The following MALRD1 variants were observed in gnomAD, a reference collection of about 807,000 sequenced individuals.
MALRD1 encodes the protein MAM and LDL-receptor class A domain-containing protein 1.
A neutral mutation model predicts 242.1 loss-of-function variants in MALRD1; 247 were observed. That is an observed-to-expected ratio of 1.02 (90% CI 0.92 to 1.13). The LOEUF is 1.13. Among genes scored for constraint, MALRD1 ranks in the 50% most tolerant of loss-of-function variants. The probability of loss-of-function intolerance (pLI) is 0.00; values close to 1 mark genes in which losing one functional copy is unlikely to be tolerated. For synonymous variants in MALRD1, 995 were observed against 866.6 expected (o/e 1.15, Z -2.60); for missense variants, 2,989 against 2,533.1 (o/e 1.18, Z -3.86).
At chr10:19,333,986 A>G (rs1015423709) in intron 24 of MALRD1, among the ~76,000 whole-genome samples, 36 of 151,718 alleles carry the variant, frequency 2.4e-4, no homozygotes, top group African/African-American at 8.5e-4. Flanking sequence ...CCACTTTTTA[A>G]TGGGGTTGTT....
rs750744633 is a variant in MALRD1, at chr10:19,491,639, C to T, written c.5152C>T (p.His1718Tyr). The T allele has an allele frequency of 8.4e-6, 13 of 1,549,002 alleles. No homozygotes were observed. The highest frequency in any genetic ancestry group is 7.8e-6 in the Non-Finnish European group (9 of 1,146,622). The change falls in exon 30 of 40, where the codon CAC (histidine) becomes TAC (tyrosine). Residue 1718 changes from histidine to tyrosine, a missense_variant. Physicochemically the swap from His to Tyr is moderately conservative, Grantham distance 83. Transcript: ENST00000454679. The stretch of plus-strand genomic sequence containing the variant: ...CTGCTCTGATAGGTCTGATGAAGCT[C>T]ACTGTGGTAAGTTTATCTATCTGCT... ...PDCSDRSDEA[H>Y]CAHYTSTTGS...
chr10:19,717,024 T>A (rs113963196), intron 38 of MALRD1: 2 of 152,254 alleles, frequency 1.3e-5, no homozygotes, highest in Admixed American at 1.3e-4. Flanking sequence ...TTTCTTTGGA[T>A]GTTTCAAGTT....
At chr10:19,592,232 G>A (rs1460077186) in intron 33 of MALRD1, among the ~76,000 whole-genome samples, 1 of 152,236 alleles carries the variant, frequency 6.6e-6, no homozygotes, top group African/African-American at 2.4e-5. Flanking sequence ...TCCCTGCAAA[G>A]GAGGGGAGGA....
chr10:19,695,932 T>A (rs555181760), intron 38 of MALRD1, among the ~76,000 whole-genome samples: 47 of 152,196 alleles, frequency 3.1e-4, no homozygotes, highest in African/African-American at 1.1e-3. Flanking sequence ...AAGAACAGCA[T>A]GGGAAAAACT....
At chr10:19,061,777 AC>A (rs1564367413) in intron 1 of MALRD1, among the ~76,000 whole-genome samples, 2 of 152,198 alleles carry the variant, frequency 1.3e-5, no homozygotes, top group Admixed American at 6.5e-5. Context: ...ACCATATACA[AC>A]AAGGTACCTC....
intron 19 of MALRD1, among the ~76,000 whole-genome samples, chr10:19,262,096 T>C (rs1193649369): frequency 2.6e-5 from 4 of 152,168 alleles, no homozygotes; most frequent in Middle Eastern, 3.2e-3. Context: ...CTCTCTCATA[T>C]TCTGAGCTAT....
chr10:19,593,262 C>G (rs921983489), intron 33 of MALRD1, among the ~76,000 whole-genome samples: 4 of 152,192 alleles, frequency 2.6e-5, no homozygotes, highest in African/African-American at 9.7e-5. Context: ...ACATTTATCT[C>G]TCTCCTACTT....
At chr10:19,424,552 C>A (rs900386550) in intron 28 of MALRD1, among the ~76,000 whole-genome samples, 1 of 152,126 alleles carries the variant, frequency 6.6e-6, no homozygotes, top group Non-Finnish European at 1.5e-5. Context: ...AAAACATACA[C>A]TAATATGAGA....
intron 29 of MALRD1, among the ~76,000 whole-genome samples, chr10:19,464,310 C>T (rs569284982): frequency 6.6e-6 from 1 of 152,154 alleles, no homozygotes; most frequent in African/African-American, 2.4e-5. Flanking sequence ...AGGGTTTTTC[C>T]GATGTTACCT....
At position 19,522,530 on chromosome 10, in the gene MALRD1, A is replaced by G. The variant is rs564419970; in HGVS notation, c.5321-8664A>G. 1.9e-3 allele frequency among the ~76,000 whole-genome samples: 286 copies of G among 152,278 alleles called. 9 individuals carry two copies. Among genetic ancestry groups the G allele is most frequent in the Non-Finnish European group, 2.2e-4 (15 of 68,000 alleles). On this transcript the variant is annotated intron_variant, in intron 31 of 39. Transcript: ENST00000454679. ...AAGCTTCTTCTTAAATAAGGACTGTAGGATGGCCTGTCTTTCAGTGGTAGT... is the reference window on the plus strand; with the variant it reads ...AAGCTTCTTCTTAAATAAGGACTGTGGGATGGCCTGTCTTTCAGTGGTAGT...
At chr10:19,387,507 T>A in intron 26 of MALRD1, 21 bp from the exon 27 acceptor site, 1 of 1,546,130 alleles carries the variant, frequency 6.5e-7, no homozygotes, top group Non-Finnish European at 8.7e-7. Flanking sequence ...CTCATTCTTG[T>A]TTTCTTTTGT....
At chr10:19,310,772 C>T (rs953972394) in intron 21 of MALRD1, among the ~76,000 whole-genome samples, 12 of 151,448 alleles carry the variant, frequency 7.9e-5, no homozygotes, top group African/African-American at 2.9e-4. Context: ...TCGTAATCAT[C>T]TTTCCAAACT....
At chr10:19,121,200 C>G (rs1174060901) in intron 5 of MALRD1, among the ~76,000 whole-genome samples, 3 of 151,782 alleles carry the variant, frequency 2.0e-5, no homozygotes. Context: ...GCCACCATGC[C>G]TTGCTAATTT....
chr10:19,103,075 C>T (rs1836326182), intron 4 of MALRD1, among the ~76,000 whole-genome samples: 2 of 151,932 alleles, frequency 1.3e-5, no homozygotes, highest in African/African-American at 4.8e-5. Flanking sequence ...TCTAGAACTC[C>T]TGACCTCAAG....
intron 36 of MALRD1, among the ~76,000 whole-genome samples, chr10:19,648,905 A>G (rs1252863177): frequency 6.6e-6 from 1 of 152,046 alleles, no homozygotes; most frequent in East Asian, 1.9e-4. Flanking sequence ...ACCCACCTCA[A>G]GTAGACCCTG....
At chr10:19,376,239 A>G (rs1845588038) in intron 26 of MALRD1, among the ~76,000 whole-genome samples, 1 of 152,202 alleles carries the variant, frequency 6.6e-6, no homozygotes. Context: ...TCAAATTATA[A>G]CTGTCTCATA....
intron 33 of MALRD1, among the ~76,000 whole-genome samples, chr10:19,572,598 C>T (rs1836616894): frequency 6.6e-6 from 1 of 152,116 alleles, no homozygotes; most frequent in African/African-American, 2.4e-5. Flanking sequence ...AATAGTATCT[C>T]CTCAAAAATC....
At position 19,577,728 on chromosome 10, in the gene MALRD1, T is replaced by G. The variant is rs375383591; in HGVS notation, c.5680+10025T>G. 4.2e-4 allele frequency among the ~76,000 whole-genome samples: 64 copies of G among 152,130 alleles called. No homozygotes were observed. In the South Asian group the frequency reaches 0.011, roughly 26 times the overall value. Reference sequence around the variant, plus strand: ...ATGACGTTGGCCACATAAACACATATGCATTAATATATATGTAACATAACA... The same window carrying G: ...ATGACGTTGGCCACATAAACACATAGGCATTAATATATATGTAACATAACA... On this transcript the variant is annotated intron_variant, in intron 33 of 39. Coordinates refer to ENST00000454679, the MANE Select transcript of MALRD1 (RefSeq NM_001142308.3).
chr10:19,121,669 A>G (rs1387347342), intron 5 of MALRD1, among the ~76,000 whole-genome samples: 1 of 152,184 alleles, frequency 6.6e-6, no homozygotes, highest in Non-Finnish European at 1.5e-5. Flanking sequence ...AGCAGAGATG[A>G]AATTTCTGTC....
Sources: allele counts gnomAD v4.1 joint callset (sites outside exome capture counted in the v4.1 genomes callset), GRCh38; gene constraint gnomAD v4.1.1; transcripts MANE v1.5; gene names NCBI Gene and HGNC (gene_info 2026-07-23, HGNC 2026-07-21).